Variants in REL observed in about 807,000 individuals in gnomAD.
REL encodes REL proto-oncogene, NF-kB subunit.
Under a neutral mutation model 45.9 loss-of-function variants are expected in REL, and 15 were observed. The ratio of observed to expected loss-of-function variants is 0.33; its 90% confidence interval spans 0.22 to 0.50. The LOEUF (loss-of-function observed/expected upper bound fraction) is 0.50, where lower values mean the gene tolerates loss of function less well. Ranked by LOEUF, REL falls within the 20% of genes least tolerant of loss-of-function variation. The pLI is 0.98. For synonymous variants in REL, 239 were observed against 242.1 expected, an observed-to-expected ratio of 0.99 and a Z score of 0.12; for missense variants, 601 against 715.2, an observed-to-expected ratio of 0.84 and a Z score of 1.82.
At chr2:60,893,249 C>T (rs1270806708) in intron 2 of REL, among the ~76,000 whole-genome samples, 1 of 152,036 alleles carries the variant, frequency 6.6e-6, no homozygotes, top group African/African-American at 2.4e-5. Flanking sequence ...AGATTATTTA[C>T]AAAATCTATT....
chr2:60,917,990 A>G (rs906465832), intron 5 of REL, among the ~76,000 whole-genome samples: 1 of 152,204 alleles, frequency 6.6e-6, no homozygotes, highest in African/African-American at 2.4e-5. Context: ...GTCATTACCT[A>G]GAAATGAAGC....
At chr2:60,913,847 C>T (rs529535622) in intron 4 of REL, among the ~76,000 whole-genome samples, 2 of 152,284 alleles carry the variant, frequency 1.3e-5, no homozygotes, top group East Asian at 3.9e-4. Flanking sequence ...TACAGATTAT[C>T]ATCTATCATT....
At chr2:60,898,834 C>G (rs1407330470) in intron 3 of REL, 2 of 152,188 alleles carry the variant, frequency 1.3e-5, no homozygotes, top group Non-Finnish European at 2.9e-5. Flanking sequence ...CTGTAAGCTT[C>G]TTGAGGAAAG....
chr2:60,904,113 A>C (rs1384805291), intron 4 of REL, among the ~76,000 whole-genome samples: 1 of 152,152 alleles, frequency 6.6e-6, no homozygotes, highest in East Asian at 1.9e-4. Context: ...AAAAATAAGA[A>C]AATGGAAGCA....
chr2:60,908,798 A>C (rs1426215393), intron 4 of REL, among the ~76,000 whole-genome samples: 1 of 152,196 alleles, frequency 6.6e-6, no homozygotes, highest in African/African-American at 2.4e-5. Context: ...TCCCATGTAG[A>C]GAATCTTGAG....
rs1674213261 is a variant in REL at position 60,924,138 on chromosome 2, G to T, written c.*1603G>T. On this transcript the variant is annotated 3_prime_UTR_variant, in exon 10 of 10. Coordinates refer to ENST00000394479, the MANE Select transcript of REL (RefSeq NM_001291746.2). Reference sequence around the variant, plus strand: ...TAGTTCACTCTTACATCCTTCAGGTGTCACTCCACTGTTACCTGAGCAGGT... The same window carrying T: ...TAGTTCACTCTTACATCCTTCAGGTTTCACTCCACTGTTACCTGAGCAGGT... 1 of 231,332 alleles carries T rather than the reference G, an allele frequency of 4.3e-6. No individual in the cohort carries two copies. Among genetic ancestry groups the T allele is most frequent in the African/African-American group, 2.2e-5 (1 of 45,366 alleles). The allele number at this position is 231,332 out of a possible 1,614,324, so 14.3% of individuals were successfully genotyped here.
chr2:60,887,455 A>G (rs1178282881), intron 1 of REL, among the ~76,000 whole-genome samples: 1 of 152,204 alleles, frequency 6.6e-6, no homozygotes, highest in East Asian at 2.0e-4. Context: ...TGTTTAATGA[A>G]TATCTCTGTA....
At chr2:60,914,801 C>T (rs970890137) in intron 4 of REL, among the ~76,000 whole-genome samples, 12 of 150,254 alleles carry the variant, frequency 8.0e-5, no homozygotes, top group African/African-American at 2.9e-4. Context: ...GAGATACATT[C>T]ATTTGGGAGT....
chr2:60,894,509 A>C lies in REL; in HGVS notation c.266A>C (p.Tyr89Ser). Residue 89 changes from tyrosine (Y) to serine (S), a missense_variant, in exon 3 of 10, where the codon TAT becomes TCT. Tyr to Ser is a moderately radical substitution (Grantham distance 144, BLOSUM62 -2). Coordinates refer to ENST00000394479, the MANE Select transcript of REL (RefSeq NM_001291746.2). Reference protein sequence around the residue: ...LVGKDCRDGYYEAEFGQERRP... With the variant: ...LVGKDCRDGYSEAEFGQERRP... ...GGAAAAGACTGCAGAGACGGCTACT[A>C]TGAAGCAGAATTTGGACAAGAACGC... The C allele has an allele frequency of 6.2e-7, 1 of 1,604,350 alleles. No individual in the cohort carries two copies.
chr2:60,886,805 C>G (rs539247039), intron 1 of REL, among the ~76,000 whole-genome samples: 2 of 152,204 alleles, frequency 1.3e-5, no homozygotes, highest in African/African-American at 4.8e-5. Flanking sequence ...TTTAAAATAG[C>G]ACTCTTTCTT....
chr2:60,901,617 GA>G (rs1273484177), intron 4 of REL, among the ~76,000 whole-genome samples: 4 of 152,126 alleles, frequency 2.6e-5, no homozygotes, highest in African/African-American at 9.7e-5. Context: ...TATTGTTGGA[GA>G]GTGTCACTGT....
At chr2:60,921,184 A>G (rs1168297474) in intron 9 of REL, among the ~76,000 whole-genome samples, 1 of 152,178 alleles carries the variant, frequency 6.6e-6, no homozygotes, top group Non-Finnish European at 1.5e-5. Flanking sequence ...ACATTCTTAA[A>G]TCATTGCTTT....
intron 5 of REL, 58 bp downstream of exon 5, chr2:60,917,075 T>C: frequency 7.1e-7 from 1 of 1,414,454 alleles, no homozygotes; most frequent in Non-Finnish European, 9.7e-7. Context: ...AATAGTTTAA[T>C]TCTTAAAATT....
chr2:60,904,782 C>T (rs1673596216), intron 4 of REL, among the ~76,000 whole-genome samples: 1 of 151,936 alleles, frequency 6.6e-6, no homozygotes, highest in African/African-American at 2.4e-5. Context: ...CTTAGCTACT[C>T]AGGAGGCCGA....
At chr2:60,906,913 A>ATATTT (rs1311506982) in intron 4 of REL, among the ~76,000 whole-genome samples, 34 of 104,296 alleles carry the variant, frequency 3.3e-4, no homozygotes, top group African/African-American at 6.0e-4. Context: ...ATATATATAT[A>ATATTT]TTTTTTTTTT....
At position 60,922,442 on chromosome 2, in the gene REL, T is replaced by C. The variant is rs778594670; in HGVS notation, c.1671T>C (p.His557=). ...CAAACAGTACTAATCCAAACAGTCATGGTTTTGTTCAAGATAGTCAGTATT... is the reference window on the plus strand; with the variant it reads ...CAAACAGTACTAATCCAAACAGTCACGGTTTTGTTCAAGATAGTCAGTATT... ...GPSNSTNPNS[H]GFVQDSQYSG... is the part of the protein sequence containing the mutation. Residue 557 remains histidine, a synonymous_variant, in exon 10 of 10, where the codon CAT becomes CAC. Coordinates refer to ENST00000394479, the MANE Select transcript of REL (RefSeq NM_001291746.2). 6.2e-7 allele frequency: 1 copy of C among 1,614,048 alleles called. No individual in the cohort carries two copies. Among genetic ancestry groups the C allele is most frequent in the Admixed American group, 1.7e-5 (1 of 60,024 alleles).
At chr2:60,906,877 GTGTA>G (rs1310946457) in intron 4 of REL, among the ~76,000 whole-genome samples, 19 of 143,038 alleles carry the variant, frequency 1.3e-4, no homozygotes, top group African/African-American at 4.5e-4. Context: ...GTGTGCGTGT[GTGTA>G]TGTGTGTGTG....
chr2:60,902,552 T>C (rs1360895079), intron 4 of REL, among the ~76,000 whole-genome samples: 1 of 151,198 alleles, frequency 6.6e-6, no homozygotes, highest in Admixed American at 6.6e-5. Flanking sequence ...TTTAACAGAA[T>C]ATTTTATTGT....
intron 3 of REL, 92 bp from the exon 4 acceptor site, chr2:60,900,899 CA>C: frequency 9.7e-7 from 1 of 1,034,638 alleles, no homozygotes; most frequent in Admixed American, 2.5e-5. Context: ...GTACAACTGA[CA>C]GCATGATAAC....
Sources: gnomAD v4.1 joint callset for allele counts (sites outside exome capture counted in the v4.1 genomes callset) on GRCh38, gnomAD v4.1.1 for gene constraint, MANE v1.5 for transcripts, NCBI Gene and HGNC (gene_info 2026-07-23, HGNC 2026-07-21) for gene names.